The following RICTOR variants were observed in gnomAD, a reference collection of about 807,000 sequenced individuals.
RICTOR encodes rapamycin-insensitive companion of mTOR.
RICTOR carries 49 observed loss-of-function variants against 214.9 expected under a neutral mutation model. The observed-to-expected ratio is 0.23, with a 90% CI of 0.18 to 0.29. RICTOR has a LOEUF of 0.29. Among genes scored for constraint, RICTOR ranks in the 10% least tolerant of loss-of-function variants. RICTOR has a pLI of 1.00. For missense variants in RICTOR, 1,625 were observed against 2,047.0 expected (o/e 0.79, Z 3.98); for synonymous variants, 717 against 711.3 (o/e 1.01, Z -0.13).
At chr5:38,984,611 T>C (rs1317014819) in intron 7 of RICTOR, among the ~76,000 whole-genome samples, 1 of 152,168 alleles carries the variant, frequency 6.6e-6, no homozygotes, top group Non-Finnish European at 1.5e-5. Flanking sequence ...AATCAACAAG[T>C]ATTGTGGTCT....
intron 8 of RICTOR, among the ~76,000 whole-genome samples, chr5:38,980,347 T>C (rs1038403709): frequency 1.3e-5 from 2 of 152,150 alleles, no homozygotes; most frequent in African/African-American, 4.8e-5. Flanking sequence ...AGTGATGTTA[T>C]CTCCCACTAG....
chr5:39,012,321 T>A (rs952044269), intron 3 of RICTOR, among the ~76,000 whole-genome samples: 3 of 152,196 alleles, frequency 2.0e-5, no homozygotes, highest in Non-Finnish European at 4.4e-5. Flanking sequence ...AAGAAGGACA[T>A]GTTTGCTTCC....
At position 38,950,598 on chromosome 5, in the gene RICTOR, A is replaced by G. The variant is rs761617292; in HGVS notation, c.3250T>C (p.Ser1084Pro). 3.1e-6 allele frequency: 5 copies of G among 1,613,334 alleles called. No individual in the cohort carries two copies. Among genetic ancestry groups the G allele is most frequent in the Non-Finnish European group, 3.4e-6 (4 of 1,179,498 alleles). ...DRSGPIKDKN[S>P]FPFFASSKLV... Reference sequence around the variant, plus strand: ...TTACTAGAAGCAAAGAAAGGGAATGAATTTTTATCCTTTATGGGTCCAGAT... The same window carrying G: ...TTACTAGAAGCAAAGAAAGGGAATGGATTTTTATCCTTTATGGGTCCAGAT... Residue 1084 changes from serine to proline, a missense_variant, in exon 31 of 38, where the codon TCA becomes CCA. Around this residue, in one of 5 missense-constraint regions of RICTOR, gnomAD observed 1,214 missense variants for 1,470.5 expected, o/e 0.83. Coordinates refer to ENST00000357387, the MANE Select transcript of RICTOR (RefSeq NM_152756.5).
chr5:38,992,467 T>C (rs895388307), intron 6 of RICTOR, among the ~76,000 whole-genome samples: 1 of 152,062 alleles, frequency 6.6e-6, no homozygotes, highest in Non-Finnish European at 1.5e-5. Flanking sequence ...GGCAAAATGG[T>C]TTTTAGAGTT....
At position 38,949,675 on chromosome 5, in the gene RICTOR, A is replaced by G. The variant is rs764549268; in HGVS notation, c.4136+37T>C. 78 of 1,545,426 alleles carry G rather than the reference A, an allele frequency of 5.0e-5. No homozygotes were observed. The Admixed American group carries it at 1.4e-3, about 27-fold the overall frequency. ...TTGTATTTAAATTTGTTAAAATGCA[A>G]CCATTATTGGTCACTTCTAAACATA... On this transcript the variant is annotated intron_variant, in intron 31 of 37. Transcript: ENST00000357387.
intron 3 of RICTOR, among the ~76,000 whole-genome samples, chr5:39,012,548 T>C (rs1213606628): frequency 1.3e-5 from 2 of 152,218 alleles, no homozygotes; most frequent in Non-Finnish European, 2.9e-5. Context: ...AATAATCAAG[T>C]TGCTAATTAA....
intron 32 of RICTOR, 88 bp downstream of exon 32, chr5:38,947,176 C>A: frequency 1.1e-6 from 1 of 930,048 alleles, no homozygotes; most frequent in Non-Finnish European, 1.7e-6. Flanking sequence ...TGGTGCCCAC[C>A]CTAAATTATG....
At chr5:38,974,732 T>G (rs1220239208) in intron 10 of RICTOR, among the ~76,000 whole-genome samples, 2 of 152,200 alleles carry the variant, frequency 1.3e-5, no homozygotes, top group Admixed American at 1.3e-4. Context: ...ACCAAGCTGC[T>G]AAGAGATCAG....
rs150945475 is a variant in RICTOR at position 39,068,647 on chromosome 5, G to A, written c.97+5464C>T. ...AATCCTGGCAGGCATACAGTAGACC[G>A]AGTGAAAAAAGGTGAGAAGATATTA... On this transcript the variant is annotated intron_variant, in intron 2 of 37. Coordinates refer to ENST00000357387, the MANE Select transcript of RICTOR (RefSeq NM_152756.5). Among the ~76,000 whole-genome samples the A allele has an allele frequency of 2.3e-3, 352 of 152,220 alleles. 1 individual carries two copies. The highest frequency in any genetic ancestry group is 8.0e-3 in the African/African-American group (331 of 41,542).
chr5:38,962,676 C>G, intron 17 of RICTOR, 90 bp from the exon 18 acceptor site: 1 of 835,758 alleles, frequency 1.2e-6, no homozygotes, highest in African/African-American at 1.7e-5. Flanking sequence ...TGAAAGGCAG[C>G]TTTTCCATTT....
rs368207440 is a variant in RICTOR, at chr5:38,968,037, T to C, written c.973-7A>G. 1.3e-5 allele frequency: 20 copies of C among 1,525,916 alleles called. No individual in the cohort carries two copies. Among genetic ancestry groups the C allele is most frequent in the Admixed American group, 1.7e-5 (1 of 59,410 alleles). The allele number at this position is 1,525,916 out of a possible 1,614,324, so 94.5% of individuals were successfully genotyped here. On this transcript the variant is annotated splice_polypyrimidine_tract_variant and splice_region_variant and intron_variant, in intron 11 of 37. Coordinates refer to ENST00000357387, the MANE Select transcript of RICTOR (RefSeq NM_152756.5). ...GCACTTCAAGTAGACCTCGCTAAAT[T>C]AGCAAACAAATACACCTCATTTATT...
rs76268615 is a variant in RICTOR at position 39,048,165 on chromosome 5, G to C, written c.97+25946C>G. On this transcript the variant is annotated intron_variant, in intron 2 of 37. Coordinates refer to ENST00000357387, the MANE Select transcript of RICTOR (RefSeq NM_152756.5). ...GGTACCACCTGTGAGCATGTCATAA[G>C]TGCAAAATCTTGAGCCCTTCCAGGC... Among the ~76,000 whole-genome samples, 756 of 152,276 alleles carry C rather than the reference G, an allele frequency of 5.0e-3. 11 individuals are homozygous for C. The highest frequency in any genetic ancestry group is 0.017 in the African/African-American group (726 of 41,534).
At chr5:39,057,395 C>T (rs922080588) in intron 2 of RICTOR, among the ~76,000 whole-genome samples, 2 of 152,048 alleles carry the variant, frequency 1.3e-5, no homozygotes, top group African/African-American at 4.8e-5. Context: ...CGAAATTAAT[C>T]CATCACTCCA....
At chr5:38,980,212 C>T (rs1751588509) in intron 8 of RICTOR, among the ~76,000 whole-genome samples, 2 of 152,056 alleles carry the variant, frequency 1.3e-5, no homozygotes, top group African/African-American at 4.8e-5. Flanking sequence ...CTATCTGAAT[C>T]ACCTGCAAGC....
At chr5:39,067,052 T>TTA (rs1758956470) in intron 2 of RICTOR, among the ~76,000 whole-genome samples, 1 of 152,216 alleles carries the variant, frequency 6.6e-6, no homozygotes, top group Non-Finnish European at 1.5e-5. Context: ...TCAGGTATCT[T>TTA]TAGAGCAATG....
rs1198391382 is a variant in RICTOR at position 38,949,693 on chromosome 5, T to C, written c.4136+19A>G. On this transcript the variant is annotated intron_variant, in intron 31 of 37. Transcript: ENST00000357387. ...AAATGCAACCATTATTGGTCACTTC[T>C]AAACATATATTTGCTTACCTGCTTG... 1.2e-6 allele frequency: 2 copies of C among 1,602,530 alleles called. No individual in the cohort carries two copies. The highest frequency in any genetic ancestry group is 1.7e-6 in the Non-Finnish European group (2 of 1,172,436).
chr5:38,988,316 T>A (rs1049733474), intron 7 of RICTOR, among the ~76,000 whole-genome samples: 2 of 152,194 alleles, frequency 1.3e-5, no homozygotes. Context: ...ACTATTATTG[T>A]GTGGGAGTCT....
intron 2 of RICTOR, among the ~76,000 whole-genome samples, chr5:39,068,412 CAG>C (rs979781605): frequency 6.6e-6 from 1 of 152,218 alleles, no homozygotes; most frequent in Admixed American, 6.5e-5. Flanking sequence ...GTGAACTATG[CAG>C]AGAGGCAGAT....
chr5:38,967,191 G>C lies in RICTOR; in HGVS notation c.1188C>G (p.Leu396=). Residue 396 remains leucine, a synonymous_variant, in exon 14 of 38, where the codon CTC becomes CTG. Coordinates refer to ENST00000357387, the MANE Select transcript of RICTOR (RefSeq NM_152756.5). ...AAAGTCCATTACGAATAAATGCAGA[G>C]AGTATCAGTGCCAAATAATTATCCA... is the stretch of plus-strand genomic sequence containing the variant. ...DLMDNYLALI[L]SAFIRNGLLE... is the part of the protein sequence containing the mutation. 1 of 1,611,524 alleles carries C rather than the reference G, an allele frequency of 6.2e-7. No homozygotes were observed.
Sources: allele counts gnomAD v4.1 joint callset (sites outside exome capture counted in the v4.1 genomes callset), GRCh38; gene constraint gnomAD v4.1.1; regional missense constraint gnomAD v4.1.1; transcripts MANE v1.5; gene names NCBI Gene and HGNC (gene_info 2026-07-23, HGNC 2026-07-21).